The following TAFA2 variants were observed in gnomAD, a reference collection of about 807,000 sequenced individuals.
TAFA2 encodes the protein chemokine-like protein TAFA-2.
A neutral mutation model predicts 18.8 loss-of-function variants in TAFA2; 7 were observed. That is an observed-to-expected ratio of 0.37 (90% CI 0.21 to 0.70). The LOEUF (loss-of-function observed/expected upper bound fraction) is 0.70, where lower values mean the gene tolerates loss of function less well. TAFA2 is among the 30% of genes least tolerant of loss of function. The probability of loss-of-function intolerance (pLI) is 0.53; values close to 1 mark genes in which losing one functional copy is unlikely to be tolerated. For synonymous variants in TAFA2, 60 were observed against 54.2 expected (o/e 1.11, Z -0.47); for missense variants, 122 against 158.1 (o/e 0.77, Z 1.23).
chr12:61,756,460 T>G (rs547768656), intron 2 of TAFA2, among the ~76,000 whole-genome samples: 3 of 152,188 alleles, frequency 2.0e-5, no homozygotes, highest in African/African-American at 7.2e-5. Context: ...TGGTTTATAT[T>G]ACATTATACA....
intron 1 of TAFA2, among the ~76,000 whole-genome samples, chr12:62,119,274 T>C (rs1033579454): frequency 1.3e-5 from 2 of 152,138 alleles, no homozygotes; most frequent in Non-Finnish European, 2.9e-5. Context: ...AGTTATATAA[T>C]GTTTTCTTAA....
chr12:61,765,107 G>A (rs906112107), intron 2 of TAFA2, among the ~76,000 whole-genome samples: 2 of 152,000 alleles, frequency 1.3e-5, no homozygotes, highest in Non-Finnish European at 2.9e-5. Context: ...AGTCTTCCTT[G>A]CAGTTAGATA....
At chr12:62,140,400 G>A (rs2062231254) in intron 1 of TAFA2, 1 of 152,188 alleles carries the variant, frequency 6.6e-6, no homozygotes, top group Admixed American at 6.5e-5. Context: ...AGGCCTTCTG[G>A]TGCTATCCAT....
chr12:61,792,933 A>C (rs1196820725), intron 2 of TAFA2, among the ~76,000 whole-genome samples: 2 of 151,682 alleles, frequency 1.3e-5, no homozygotes, highest in African/African-American at 4.8e-5. Context: ...ATTGAAATTT[A>C]GAGAAAATTA....
intron 4 of TAFA2, among the ~76,000 whole-genome samples, chr12:61,720,045 T>C (rs1214533329): frequency 6.6e-6 from 1 of 152,168 alleles, no homozygotes; most frequent in Non-Finnish European, 1.5e-5. Context: ...GCTTTTTTTT[T>C]TCTTTTTTCA....
intron 1 of TAFA2, among the ~76,000 whole-genome samples, chr12:61,982,926 C>A (rs925824817): frequency 4.1e-5 from 6 of 146,652 alleles, no homozygotes; most frequent in African/African-American, 1.2e-4. Flanking sequence ...GACCCAAATG[C>A]TTTTCATATA....
intron 2 of TAFA2, among the ~76,000 whole-genome samples, chr12:61,809,867 A>G (rs1871792842): frequency 6.6e-6 from 1 of 151,240 alleles, no homozygotes; most frequent in African/African-American, 2.5e-5. Flanking sequence ...CAATACCTCC[A>G]TGCACAGTGA....
chr12:61,961,816 T>C (rs1394645045), intron 1 of TAFA2, among the ~76,000 whole-genome samples: 1 of 152,056 alleles, frequency 6.6e-6, no homozygotes, highest in Admixed American at 6.6e-5. Flanking sequence ...ATCTCTTCTG[T>C]ATCATCAAAT....
chr12:62,115,073 C>T (rs1592344975), intron 1 of TAFA2, among the ~76,000 whole-genome samples: 1 of 152,144 alleles, frequency 6.6e-6, no homozygotes, highest in Non-Finnish European at 1.5e-5. Context: ...TTTCTCAAAA[C>T]ATTGACCTCC....
At chr12:61,997,096 TA>T (rs1342296468) in intron 1 of TAFA2, among the ~76,000 whole-genome samples, 1 of 150,616 alleles carries the variant, frequency 6.6e-6, no homozygotes, top group Non-Finnish European at 1.5e-5. Flanking sequence ...AATAAACAAA[TA>T]AACACATAAA....
chr12:62,086,287 T>C (rs938712516), intron 1 of TAFA2, among the ~76,000 whole-genome samples: 5 of 151,482 alleles, frequency 3.3e-5, no homozygotes, highest in Admixed American at 3.3e-4. Context: ...AAGAAAAAAA[T>C]AGGTAATTTG....
intron 1 of TAFA2, among the ~76,000 whole-genome samples, chr12:61,892,887 T>TA (rs1875695981): frequency 6.6e-6 from 1 of 152,108 alleles, no homozygotes; most frequent in African/African-American, 2.4e-5. Flanking sequence ...AATAAGTAAA[T>TA]AAATAAATGT....
intron 1 of TAFA2, among the ~76,000 whole-genome samples, chr12:62,200,931 G>A (rs553214300): frequency 3.3e-5 from 5 of 152,242 alleles, no homozygotes; most frequent in South Asian, 2.1e-4. Context: ...GCAGTGGTTC[G>A]TAGTTCTCCT....
At chr12:62,043,839 T>C (rs185488718) in intron 1 of TAFA2, among the ~76,000 whole-genome samples, 45 of 152,280 alleles carry the variant, frequency 3.0e-4, no homozygotes, top group Non-Finnish European at 5.6e-4. Flanking sequence ...GGGCATTTTA[T>C]GGAGATTTGT....
At chr12:61,907,982 C>T (rs1876436176) in intron 1 of TAFA2, among the ~76,000 whole-genome samples, 1 of 152,160 alleles carries the variant, frequency 6.6e-6, no homozygotes, top group African/African-American at 2.4e-5. Flanking sequence ...GTCTGTACCC[C>T]ATTGTATCTA....
intron 2 of TAFA2, among the ~76,000 whole-genome samples, chr12:61,857,917 A>C (rs1592439085): frequency 6.6e-6 from 1 of 152,338 alleles, no homozygotes; most frequent in Admixed American, 6.5e-5. Context: ...GGAAGAAAGA[A>C]GCCATCTATT....
chr12:61,764,230 T>TGATAGATAGATAGATAGATA (rs140276194), intron 2 of TAFA2, among the ~76,000 whole-genome samples: 5,650 of 150,104 alleles, frequency 0.038, 115 homozygotes, highest in Admixed American at 0.048. Flanking sequence ...GATGATTGAT[T>TGATAGATAGATAGATAGATA]GATAGATAGA....
Position 61,893,337 on chromosome 12 carries a change from T to G in TAFA2, c.-1-25911A>C, listed in dbSNP as rs572523620. Among the ~76,000 whole-genome samples, 8 of 152,220 alleles carry G rather than the reference T, an allele frequency of 5.3e-5. No individual in the cohort carries two copies. In the South Asian group the frequency reaches 8.3e-4, roughly 16 times the overall value. Reference sequence around the variant, plus strand: ...GAACAGAAGACCCTCTGGAGTGAGATAAAGAGATAAAGAAGTGAATACAAT... The same window carrying G: ...GAACAGAAGACCCTCTGGAGTGAGAGAAAGAGATAAAGAAGTGAATACAAT... On this transcript the variant is annotated intron_variant, in intron 1 of 4. Transcript: ENST00000416284.
intron 1 of TAFA2, among the ~76,000 whole-genome samples, chr12:61,976,614 G>A (rs1465040922): frequency 2.0e-5 from 3 of 151,822 alleles, no homozygotes; most frequent in African/African-American, 7.3e-5. Context: ...ATGTATATAT[G>A]TGCCATGTTG....
Sources: gnomAD v4.1 joint callset for allele counts (sites outside exome capture counted in the v4.1 genomes callset) on GRCh38, gnomAD v4.1.1 for gene constraint, MANE v1.5 for transcripts, NCBI Gene and HGNC (gene_info 2026-07-23, HGNC 2026-07-21) for gene names.